SPRR2G: variants seen among roughly 807,000 people sequenced by gnomAD.
SPRR2G encodes small proline-rich protein 2G.
A neutral mutation model predicts 0.7 loss-of-function variants in SPRR2G; 1 was observed. The observed-to-expected ratio is 1.49, with a 90% CI of 0.53 to 7.06. The LOEUF (loss-of-function observed/expected upper bound fraction) is 7.06, where lower values mean the gene tolerates loss of function less well. SPRR2G is among the 30% of genes most tolerant of loss of function. The probability of loss-of-function intolerance (pLI) is 0.14; values close to 1 mark genes in which losing one functional copy is unlikely to be tolerated. For synonymous variants in SPRR2G, 38 were observed against 33.9 expected (o/e 1.12, Z -0.42); for missense variants, 96 against 88.5 (o/e 1.09, Z -0.34).
the SPRR2G span, among the ~76,000 whole-genome samples, chr1:153,194,794 G>T: frequency 6.6e-6 from 1 of 152,184 alleles, no homozygotes; most frequent in African/African-American, 2.4e-5. Flanking sequence ...CGGCTCCTTG[G>T]TGCAGCCCCA....
At chr1:153,194,494 A>T in the SPRR2G span, among the ~76,000 whole-genome samples, 1 of 152,134 alleles carries the variant, frequency 6.6e-6, no homozygotes, top group Non-Finnish European at 1.5e-5. Context: ...ACCTCCTGCC[A>T]CTTCCACCCA....
chr1:153,192,326 T>C, the SPRR2G span, among the ~76,000 whole-genome samples: 1 of 152,170 alleles, frequency 6.6e-6, no homozygotes, highest in Admixed American at 6.5e-5. Flanking sequence ...TCATATTCAG[T>C]GATTATGGAA....
At chr1:153,193,558 G>A in the SPRR2G span, among the ~76,000 whole-genome samples, 4 of 152,204 alleles carry the variant, frequency 2.6e-5, no homozygotes, top group Admixed American at 1.3e-4. Context: ...TAATCCTAAA[G>A]AGCAGAGCTA....
At chr1:153,169,458 C>T in the SPRR2G span, among the ~76,000 whole-genome samples, 1 of 151,440 alleles carries the variant, frequency 6.6e-6, no homozygotes, top group Non-Finnish European at 1.5e-5. Flanking sequence ...CCCAGCCACT[C>T]GGGAGACTGA....
chr1:153,190,361 G>A, the SPRR2G span: 1 of 152,270 alleles, frequency 6.6e-6, no homozygotes, highest in Non-Finnish European at 1.5e-5. Flanking sequence ...CAATAATAGG[G>A]ACCACCACAC....
the SPRR2G span, among the ~76,000 whole-genome samples, chr1:153,181,998 A>T: frequency 1.3e-5 from 2 of 152,134 alleles, no homozygotes; most frequent in Non-Finnish European, 2.9e-5. Flanking sequence ...AAATCTCCAT[A>T]CTGTTACCCA....
chr1:153,202,399 T>C, the SPRR2G span, among the ~76,000 whole-genome samples: 1 of 152,224 alleles, frequency 6.6e-6, no homozygotes. Flanking sequence ...GGGAGACAGA[T>C]TCAAGCTAAA....
In SPRR2G at chr1:153,149,653, G is replaced by C. The variant is rs3170867; in HGVS notation, c.*236C>G. 831 of 599,204 alleles carry C rather than the reference G, an allele frequency of 1.4e-3. 9 individuals carry two copies. The African/African-American group carries it at 0.014, about 10-fold the overall frequency. 37.1% of individuals were successfully genotyped at this position (599,204 alleles called of 1,614,324 possible). A position where few individuals can be genotyped will look rare whatever the true frequency, so the allele number is the denominator to read the frequency against. ...ATAAACACACTTGCTCTCAGGATAG[G>C]AACCACCATCTACATCACAGACAGC... On this transcript the variant is annotated 3_prime_UTR_variant, in exon 2 of 2. Transcript: ENST00000368748.
the SPRR2G span, among the ~76,000 whole-genome samples, chr1:153,163,962 C>A: frequency 6.6e-6 from 1 of 152,162 alleles, no homozygotes; most frequent in African/African-American, 2.4e-5. Flanking sequence ...AAAATACCCT[C>A]ATATTTCTCA....
At chr1:153,160,308 G>T in the SPRR2G span, among the ~76,000 whole-genome samples, 1 of 152,134 alleles carries the variant, frequency 6.6e-6, no homozygotes, top group Admixed American at 6.5e-5. Flanking sequence ...TCATTCATCT[G>T]CTCATAGACA....
chr1:153,169,301 C>A, the SPRR2G span, among the ~76,000 whole-genome samples: 2 of 152,118 alleles, frequency 1.3e-5, no homozygotes, highest in Non-Finnish European at 1.5e-5. Context: ...CGCGGTGGCT[C>A]ATGCCAGTAA....
chr1:153,200,951 C>A, the SPRR2G span, among the ~76,000 whole-genome samples: 1,068 of 152,268 alleles, frequency 7.0e-3, 11 homozygotes, highest in Admixed American at 0.019. Flanking sequence ...CGTGATCCGC[C>A]CACCTCAGCC....
chr1:153,193,973 A>C, the SPRR2G span, among the ~76,000 whole-genome samples: 1 of 152,206 alleles, frequency 6.6e-6, no homozygotes. Flanking sequence ...CTGTAGATGA[A>C]GAAACCAAAG....
At chr1:153,170,365 G>C in the SPRR2G span, among the ~76,000 whole-genome samples, 6 of 152,288 alleles carry the variant, frequency 3.9e-5, no homozygotes, top group Non-Finnish European at 7.4e-5. Context: ...ACAAAAAGCT[G>C]TATAATTGGT....
chr1:153,189,519 A>G, the SPRR2G span, among the ~76,000 whole-genome samples: 1 of 151,952 alleles, frequency 6.6e-6, no homozygotes, highest in Admixed American at 6.6e-5. Context: ...TTTGTTTTCA[A>G]TTACTTCATA....
chr1:153,199,328 C>T, the SPRR2G span, among the ~76,000 whole-genome samples: 1 of 152,186 alleles, frequency 6.6e-6, no homozygotes, highest in Non-Finnish European at 1.5e-5. Context: ...CTAGGCGCTA[C>T]AGGAGCCATG....
the SPRR2G span, among the ~76,000 whole-genome samples, chr1:153,166,890 CT>C: frequency 6.6e-6 from 1 of 151,808 alleles, no homozygotes; most frequent in East Asian, 1.9e-4. Context: ...GTTAAAAGAA[CT>C]GTAAAAATCC....
upstream of SPRR2G, among the ~76,000 whole-genome samples, chr1:153,153,380 T>C (rs1656512938): frequency 6.6e-6 from 1 of 152,186 alleles, no homozygotes; most frequent in African/African-American, 2.4e-5. Context: ...GTGTGTAAAT[T>C]TGAGCAATTT....
the SPRR2G span, among the ~76,000 whole-genome samples, chr1:153,165,375 A>G: frequency 3.9e-5 from 6 of 152,370 alleles, no homozygotes; most frequent in African/African-American, 1.2e-4. Context: ...CCTGGAGTAG[A>G]TAACAGACTT....
Sources: gnomAD v4.1 joint callset for allele counts (sites outside exome capture counted in the v4.1 genomes callset) on GRCh38, gnomAD v4.1.1 for gene constraint, MANE v1.5 for transcripts, NCBI Gene and HGNC (gene_info 2026-07-23, HGNC 2026-07-21) for gene names.